The following MIPOL1 variants were observed in gnomAD, a reference collection of about 807,000 sequenced individuals.
MIPOL1 encodes the protein mirror-image polydactyly gene 1 protein.
Under a neutral mutation model 60.9 loss-of-function variants are expected in MIPOL1, and 57 were observed. The observed-to-expected ratio is 0.94, with a 90% CI of 0.76 to 1.17. The LOEUF (loss-of-function observed/expected upper bound fraction) is 1.17, where lower values mean the gene tolerates loss of function less well. Among genes scored for constraint, MIPOL1 ranks in the 50% most tolerant of loss-of-function variants. MIPOL1 has a pLI of 0.00. For missense variants in MIPOL1, 551 were observed against 511.6 expected (o/e 1.08, Z -0.74); for synonymous variants, 179 against 168.8 (o/e 1.06, Z -0.47).
At position 37,267,128 on chromosome 14, in the gene MIPOL1, T is replaced by C. The variant is rs2082934702; in HGVS notation, c.210T>C (p.Tyr70=). ...CGAATTTTCAGATCATCAGTTCTTA[T>C]CCAGATGATGAGTCTGTTTACTGCA... ...RSTNFQIISS[Y]PDDESVYCTT... is the part of the protein sequence containing the mutation. The change falls in exon 4 of 13, where the codon TAT becomes TAC. Residue 70 remains tyrosine, a synonymous_variant. Coordinates refer to ENST00000684589, the MANE Select transcript of MIPOL1 (RefSeq NM_001388067.1). The C allele has an allele frequency of 2.5e-6, 4 of 1,613,712 alleles. No individual in the cohort carries two copies. Among genetic ancestry groups the C allele is most frequent in the African/African-American group, 1.3e-5 (1 of 75,034 alleles).
chr14:37,551,843 C>T (rs1166616522), downstream of MIPOL1: 1 of 150,266 alleles, frequency 6.7e-6, no homozygotes, highest in African/African-American at 2.4e-5. Context: ...CACGCCATTG[C>T]ACTCCAGCCT....
At chr14:37,473,411 C>A (rs997518819) in intron 11 of MIPOL1, among the ~76,000 whole-genome samples, 1 of 151,752 alleles carries the variant, frequency 6.6e-6, no homozygotes, top group Non-Finnish European at 1.5e-5. Context: ...TTTATAGCAA[C>A]ACAAAGCAAA....
chr14:37,288,335 G>A (rs2084763461), intron 7 of MIPOL1, among the ~76,000 whole-genome samples: 1 of 152,044 alleles, frequency 6.6e-6, no homozygotes, highest in Non-Finnish European at 1.5e-5. Context: ...GCAAAAAAGA[G>A]AGATAGGGAG....
chr14:37,356,703 G>A (rs540992594), intron 9 of MIPOL1, among the ~76,000 whole-genome samples: 7 of 152,194 alleles, frequency 4.6e-5, no homozygotes, highest in East Asian at 1.9e-4. Flanking sequence ...TCTTTGACTC[G>A]GAAAGGGAAC....
intron 9 of MIPOL1, among the ~76,000 whole-genome samples, chr14:37,317,190 G>A (rs2088004885): frequency 6.6e-6 from 1 of 152,220 alleles, no homozygotes; most frequent in Non-Finnish European, 1.5e-5. Flanking sequence ...GGAAGTTGGG[G>A]GTGCAGTGTC....
chr14:37,405,257 T>C (rs369084546), intron 10 of MIPOL1, among the ~76,000 whole-genome samples: 1 of 152,134 alleles, frequency 6.6e-6, no homozygotes, highest in African/African-American at 2.4e-5. Flanking sequence ...GGGATTCTTT[T>C]TTCTTATGCT....
intron 1 of MIPOL1, among the ~76,000 whole-genome samples, chr14:37,213,011 A>T (rs78984553): frequency 0.042 from 6,469 of 152,244 alleles, 267 homozygotes; most frequent in East Asian, 0.24. Flanking sequence ...CCACAGCATT[A>T]CTAGTCTTGG....
At chr14:37,202,384 TACACAC>T (rs3061896) in intron 1 of MIPOL1, among the ~76,000 whole-genome samples, 7 of 149,930 alleles carry the variant, frequency 4.7e-5, no homozygotes, top group East Asian at 2.0e-4. Context: ...TGCATTTCAT[TACACAC>T]ACACACACAC....
chr14:37,407,069 A>C (rs2093599861), intron 10 of MIPOL1, among the ~76,000 whole-genome samples: 1 of 152,204 alleles, frequency 6.6e-6, no homozygotes, highest in Non-Finnish European at 1.5e-5. Context: ...TTCAAGACAA[A>C]TATTTTAAAT....
At chr14:37,470,646 A>G (rs1367815544) in intron 11 of MIPOL1, among the ~76,000 whole-genome samples, 1 of 152,050 alleles carries the variant, frequency 6.6e-6, no homozygotes, top group Non-Finnish European at 1.5e-5. Context: ...CAAATTACCC[A>G]GTCTCAGGTA....
intron 3 of MIPOL1, among the ~76,000 whole-genome samples, chr14:37,254,336 T>C (rs1974577342): frequency 6.6e-6 from 1 of 151,900 alleles, no homozygotes; most frequent in South Asian, 2.1e-4. Context: ...CAAGGGCAAC[T>C]TAGTTTTCTA....
intron 12 of MIPOL1, among the ~76,000 whole-genome samples, chr14:37,515,176 T>A (rs949088713): frequency 6.6e-6 from 1 of 152,140 alleles, no homozygotes; most frequent in Non-Finnish European, 1.5e-5. Flanking sequence ...GAAAAAACTT[T>A]CCATAACAAT....
At chr14:37,461,401 C>A (rs993641817) in intron 11 of MIPOL1, among the ~76,000 whole-genome samples, 1 of 152,090 alleles carries the variant, frequency 6.6e-6, no homozygotes, top group African/African-American at 2.4e-5. Context: ...ACAGGAAAGA[C>A]CCTCCCCTAT....
chr14:37,306,224 A>G (rs2086776206), intron 7 of MIPOL1, among the ~76,000 whole-genome samples: 1 of 151,888 alleles, frequency 6.6e-6, no homozygotes, highest in Non-Finnish European at 1.5e-5. Flanking sequence ...CAATGCCTGA[A>G]GACAGCCTTA....
At chr14:37,486,379 T>C (rs1161967968) in intron 11 of MIPOL1, among the ~76,000 whole-genome samples, 1 of 152,290 alleles carries the variant, frequency 6.6e-6, no homozygotes, top group East Asian at 1.9e-4. Context: ...AGAAAGTCAA[T>C]GGTAGCTTGA....
chr14:37,262,281 T>A (rs1200239303), intron 3 of MIPOL1, among the ~76,000 whole-genome samples: 2 of 152,046 alleles, frequency 1.3e-5, no homozygotes, highest in Non-Finnish European at 2.9e-5. Flanking sequence ...TAGTCGGCAT[T>A]GTTCTGATTA....
intron 12 of MIPOL1, chr14:37,502,651 A>G (rs779936597): frequency 5.3e-5 from 8 of 152,374 alleles, no homozygotes; most frequent in African/African-American, 1.9e-4. Context: ...AGATAAAACC[A>G]TGAAGATGGG....
intron 3 of MIPOL1, among the ~76,000 whole-genome samples, chr14:37,262,927 A>G (rs942728138): frequency 1.3e-5 from 2 of 152,194 alleles, no homozygotes; most frequent in African/African-American, 2.4e-5. Flanking sequence ...AAAGCCAGGC[A>G]GAACAGAATT....
chr14:37,448,649 G>A (rs901286038), intron 11 of MIPOL1, among the ~76,000 whole-genome samples: 3 of 152,150 alleles, frequency 2.0e-5, no homozygotes, highest in African/African-American at 7.2e-5. Flanking sequence ...TCTTTACGAA[G>A]AAGTTAATGT....
Sources: allele counts gnomAD v4.1 joint callset (sites outside exome capture counted in the v4.1 genomes callset), GRCh38; gene constraint gnomAD v4.1.1; transcripts MANE v1.5; gene names NCBI Gene and HGNC (gene_info 2026-07-23, HGNC 2026-07-21).